The following BMS1 variants were observed in gnomAD, a reference collection of about 807,000 sequenced individuals.
BMS1 encodes the protein ribosome biogenesis protein BMS1 homolog.
Under a neutral mutation model 138.7 loss-of-function variants are expected in BMS1, and 53 were observed. That is an observed-to-expected ratio of 0.38 (90% CI 0.31 to 0.48). BMS1 has a LOEUF of 0.48. Among genes scored for constraint, BMS1 ranks in the 20% least tolerant of loss-of-function variants. The probability of loss-of-function intolerance (pLI) is 0.97; values close to 1 mark genes in which losing one functional copy is unlikely to be tolerated. For synonymous variants in BMS1, 504 were observed against 539.9 expected (o/e 0.93, Z 0.92); for missense variants, 1,360 against 1,565.5 (o/e 0.87, Z 2.22).
At chr10:42,811,871 C>T (rs1432503381) in intron 13 of BMS1, among the ~76,000 whole-genome samples, 2 of 152,048 alleles carry the variant, frequency 1.3e-5, no homozygotes, top group African/African-American at 4.8e-5. Context: ...TTCTTTTTGG[C>T]CCATGCATTA....
intron 13 of BMS1, among the ~76,000 whole-genome samples, chr10:42,807,132 G>A (rs1041116578): frequency 3.3e-5 from 5 of 152,120 alleles, no homozygotes; most frequent in Middle Eastern, 3.4e-3. Flanking sequence ...GTTAAGATAC[G>A]GAGCAGTTCC....
chr10:42,814,542 A>G (rs977788923), intron 13 of BMS1, among the ~76,000 whole-genome samples: 25 of 152,148 alleles, frequency 1.6e-4, no homozygotes, highest in African/African-American at 5.8e-4. Flanking sequence ...GCTGACTGTT[A>G]TAAGTGATGA....
intron 4 of BMS1, among the ~76,000 whole-genome samples, chr10:42,790,002 C>CCT (rs907633733): frequency 5.3e-5 from 8 of 152,126 alleles, no homozygotes. Flanking sequence ...TAGAGCAAGT[C>CCT]AGAGGGTGGT....
At position 42,787,497 on chromosome 10, in the gene BMS1, C is replaced by A. The variant is rs144748666; in HGVS notation, c.447+250C>A. Among the ~76,000 whole-genome samples the A allele has an allele frequency of 5.9e-3, 898 of 152,168 alleles. 11 individuals are homozygous for A. Among genetic ancestry groups the A allele is most frequent in the African/African-American group, 0.02 (839 of 41,506 alleles). On this transcript the variant is annotated intron_variant, in intron 4 of 22. Transcript: ENST00000374518. ...AAAGCAAATCACAGGATGGAGAAAA[C>A]CTTTAATGAACACAACTAATAAGAG...
At position 42,811,396 on chromosome 10, in the gene BMS1, T is replaced by A. The variant is rs1484824107; in HGVS notation, c.2330-5203T>A. On this transcript the variant is annotated intron_variant, in intron 13 of 22. Coordinates refer to ENST00000374518, the MANE Select transcript of BMS1 (RefSeq NM_014753.4). ...TCTGCTTGTTTGGGGTTTATTTTGT[T>A]CTTTTTGAAATTTCTTAGGTTATTG... Among the ~76,000 whole-genome samples the A allele has an allele frequency of 2.0e-5, 3 of 151,848 alleles. No homozygotes were observed. In the East Asian group the frequency reaches 5.8e-4, roughly 29 times the overall value.
Position 42,823,623 on chromosome 10 carries a change from C to A in BMS1, c.3295C>A (p.Arg1099=). The A allele has an allele frequency of 2.6e-6, 4 of 1,562,102 alleles. No individual in the cohort carries two copies. Among genetic ancestry groups the A allele is most frequent in the Non-Finnish European group, 2.6e-6 (3 of 1,164,700 alleles). ...KLLMSDIVFM[R]TWYPVSIPAF... ...TCTCTTTTCAGATATTGTCTTCATG[C>A]GAACTTGGTATCCTGTTTCCATCCC... is the stretch of plus-strand genomic sequence containing the variant. The change falls in exon 21 of 23, where the codon CGA becomes AGA. Residue 1099 remains arginine (R), a synonymous_variant. Coordinates refer to ENST00000374518, the MANE Select transcript of BMS1 (RefSeq NM_014753.4).
At chr10:42,791,839 C>G (rs1841516086) in intron 6 of BMS1, 70 bp downstream of exon 6, 1 of 1,516,238 alleles carries the variant, frequency 6.6e-7, no homozygotes, top group African/African-American at 1.4e-5. Flanking sequence ...AGAAAAAGAA[C>G]AGTGATAGGA....
chr10:42,817,098 C>G (rs549148053), intron 14 of BMS1, among the ~76,000 whole-genome samples: 12 of 152,174 alleles, frequency 7.9e-5, no homozygotes, highest in Non-Finnish European at 1.6e-4. Context: ...TCCCAGCCAG[C>G]TTAAGGATTA....
chr10:42,821,744 G>A (rs113468147), intron 18 of BMS1, among the ~76,000 whole-genome samples: 5 of 151,822 alleles, frequency 3.3e-5, no homozygotes, highest in African/African-American at 2.4e-5. Flanking sequence ...GTAGAGATGG[G>A]ATTTTGCCAT....
At chr10:42,785,915 G>A (rs1385789197) in intron 3 of BMS1, among the ~76,000 whole-genome samples, 5 of 152,036 alleles carry the variant, frequency 3.3e-5, no homozygotes, top group African/African-American at 9.7e-5. Flanking sequence ...GAAGATACTC[G>A]AACCCAGCAC....
intron 5 of BMS1, among the ~76,000 whole-genome samples, chr10:42,790,976 A>G (rs1013996035): frequency 5.3e-5 from 8 of 150,902 alleles, no homozygotes; most frequent in Non-Finnish European, 4.4e-5. Flanking sequence ...TTCACAGTCT[A>G]TGGACTGCTG....
In BMS1 at chr10:42,792,523, C is replaced by A; in HGVS notation, c.810C>A (p.Ile270=). ...RMEDLTNPED[I]RTNIKCDRKV... ...AAGATTTGACAAACCCAGAGGATATCCGAACAAACATCAAATGTGACCGGA... is the reference window on the plus strand; with the variant it reads ...AAGATTTGACAAACCCAGAGGATATACGAACAAACATCAAATGTGACCGGA... Residue 270 remains isoleucine, a synonymous_variant, in exon 7 of 23, where the codon ATC becomes ATA. Coordinates refer to ENST00000374518, the MANE Select transcript of BMS1 (RefSeq NM_014753.4). The A allele has an allele frequency of 6.2e-7, 1 of 1,611,750 alleles. No homozygotes were observed. Among genetic ancestry groups the A allele is most frequent in the Non-Finnish European group, 8.5e-7 (1 of 1,179,788 alleles).
intron 8 of BMS1, 82 bp downstream of exon 8, chr10:42,793,226 T>C: frequency 7.2e-7 from 1 of 1,386,190 alleles, no homozygotes. Context: ...AGTAATGTAC[T>C]CAGCTTTTAT....
At chr10:42,810,224 T>A (rs1318799265) in intron 13 of BMS1, among the ~76,000 whole-genome samples, 3 of 152,214 alleles carry the variant, frequency 2.0e-5, no homozygotes, top group African/African-American at 7.2e-5. Context: ...TTTTTTCCTT[T>A]CATGTCAGAT....
intron 21 of BMS1, among the ~76,000 whole-genome samples, chr10:42,828,250 T>C (rs1026261913): frequency 6.6e-6 from 1 of 152,260 alleles, no homozygotes; most frequent in African/African-American, 2.4e-5. Context: ...TTTGGTTGAG[T>C]ATTACAGAAC....
chr10:42,796,742 G>A lies in BMS1; in HGVS notation c.1498G>A (p.Ala500Thr), dbSNP rs769467725. Residue 500 changes from alanine to threonine, a missense_variant, in exon 10 of 23, where the codon GCA becomes ACA. Around this residue, in one of 3 missense-constraint regions of BMS1, gnomAD observed 697 missense variants for 686.2 expected, o/e 1.02. Transcript: ENST00000374518. ...LEEDSEMDLP[A>T]FADSDDDLER... The stretch of plus-strand genomic sequence containing the variant: ...AGAAGACAGTGAAATGGATTTGCCA[G>A]CATTTGCTGACAGTGACGATGACCT... 2.5e-6 allele frequency: 4 copies of A among 1,614,218 alleles called. No individual in the cohort carries two copies. In the Admixed American group the frequency reaches 5.0e-5, roughly 20 times the overall value.
chr10:42,802,267 A>AT (rs1392941567), intron 13 of BMS1, 49 bp downstream of exon 13: 14 of 1,526,564 alleles, frequency 9.2e-6, no homozygotes, highest in Non-Finnish European at 1.3e-5. Flanking sequence ...TCTAAACTTT[A>AT]TTTTCTTCAG....
Position 42,797,080 on chromosome 10 carries a change from T to C in BMS1, c.1836T>C (p.Ala612=). ...AAGAAGACTCAGAAAATGAAGAGGC[T>C]ATTAGAAAAAAGCTTTCAAAGCCTT... The part of the protein sequence containing the change: ...AEEEDSENEE[A]IRKKLSKPSQ... Residue 612 remains alanine (A), a synonymous_variant, in exon 10 of 23, where the codon GCT becomes GCC. Coordinates refer to ENST00000374518, the MANE Select transcript of BMS1 (RefSeq NM_014753.4). 1.2e-6 allele frequency: 2 copies of C among 1,614,198 alleles called. No homozygotes were observed. The highest frequency in any genetic ancestry group is 1.7e-6 in the Non-Finnish European group (2 of 1,180,036).
At chr10:42,821,369 C>T (rs1180278598) in intron 18 of BMS1, among the ~76,000 whole-genome samples, 1 of 151,964 alleles carries the variant, frequency 6.6e-6, no homozygotes, top group Non-Finnish European at 1.5e-5. Context: ...TTATTGGTCC[C>T]ATTTAACAGA....
Sources: gnomAD v4.1 joint callset for allele counts (sites outside exome capture counted in the v4.1 genomes callset) on GRCh38, gnomAD v4.1.1 for gene constraint, gnomAD v4.1.1 regional missense constraint, MANE v1.5 for transcripts, NCBI Gene and HGNC (gene_info 2026-07-23, HGNC 2026-07-21) for gene names.